The following SPECC1 variants were observed in gnomAD, a reference collection of about 807,000 sequenced individuals.
SPECC1 encodes cytospin-B.
Under a neutral mutation model 104.1 loss-of-function variants are expected in SPECC1, and 62 were observed. That is an observed-to-expected ratio of 0.60 (90% CI 0.49 to 0.74). SPECC1 has a LOEUF of 0.74. SPECC1 is among the 30% of genes least tolerant of loss of function. The pLI is 0.00. For missense variants in SPECC1, 1,306 were observed against 1,310.5 expected, an observed-to-expected ratio of 1.00 and a Z score of 0.05; for synonymous variants, 513 against 501.6, an observed-to-expected ratio of 1.02 and a Z score of -0.30.
chr17:20,244,215 C>G (rs1036062650), intron 7 of SPECC1, among the ~76,000 whole-genome samples: 1 of 151,954 alleles, frequency 6.6e-6, no homozygotes, highest in South Asian at 2.1e-4. Context: ...GGCGACAGAG[C>G]GAGACTCTGT....
At chr17:20,074,971 C>T (rs953512438) in intron 1 of SPECC1, among the ~76,000 whole-genome samples, 4 of 152,086 alleles carry the variant, frequency 2.6e-5, no homozygotes, top group Admixed American at 6.6e-5. Context: ...GTCTTGATCT[C>T]GGCTTACTGC....
chr17:20,298,948 A>AGAGAGAGTGTGT, intron 13 of SPECC1, among the ~76,000 whole-genome samples: 721 of 49,000 alleles, frequency 0.015, 20 homozygotes, highest in African/African-American at 0.063. Flanking sequence ...AGAGAGAGAG[A>AGAGAGAGTGTGT]GTGTGTGTGT....
At chr17:20,133,409 C>A (rs1008067946) in intron 3 of SPECC1, among the ~76,000 whole-genome samples, 2 of 151,922 alleles carry the variant, frequency 1.3e-5, no homozygotes, top group African/African-American at 4.8e-5. Flanking sequence ...TGAACTAGCT[C>A]CCTTAATAGA....
chr17:20,178,629 T>A (rs889354858), intron 3 of SPECC1, among the ~76,000 whole-genome samples: 1 of 152,206 alleles, frequency 6.6e-6, no homozygotes, highest in African/African-American at 2.4e-5. Context: ...GGTAACAGAC[T>A]GTGTTGAGAA....
At chr17:20,019,795 C>G (rs1031574923) in intron 1 of SPECC1, among the ~76,000 whole-genome samples, 1 of 152,190 alleles carries the variant, frequency 6.6e-6, no homozygotes, top group Non-Finnish European at 1.5e-5. Flanking sequence ...CTGATCACCC[C>G]CATCCATGTT....
intron 3 of SPECC1, among the ~76,000 whole-genome samples, chr17:20,184,011 A>G (rs1018939318): frequency 3.4e-5 from 5 of 145,782 alleles, no homozygotes; most frequent in Non-Finnish European, 7.6e-5. Flanking sequence ...TCTCTACTTA[A>G]AAAAAAAAAA....
intron 12 of SPECC1, among the ~76,000 whole-genome samples, chr17:20,262,244 A>G (rs2040052973): frequency 6.6e-6 from 1 of 152,208 alleles, no homozygotes; most frequent in Non-Finnish European, 1.5e-5. Flanking sequence ...GTTTGGAGCT[A>G]TTATGAATAA....
intron 1 of SPECC1, among the ~76,000 whole-genome samples, chr17:20,016,980 C>T (rs1283223335): frequency 2.0e-5 from 3 of 152,176 alleles, no homozygotes; most frequent in Non-Finnish European, 2.9e-5. Flanking sequence ...GGATTGTAAA[C>T]GCACCAATCA....
chr17:20,152,914 C>T lies in SPECC1; in HGVS notation c.283+42352C>T, dbSNP rs184434243. On this transcript the variant is annotated intron_variant, in intron 3 of 14. Coordinates refer to ENST00000395527, the MANE Select transcript of SPECC1 (RefSeq NM_001243439.2). ...TCTCTTGACCTCGTGATCTGCCTGC[C>T]TCAGCCTCCCAAAGTGCTGGGATTA... 3.2e-3 allele frequency among the ~76,000 whole-genome samples: 488 copies of T among 152,342 alleles called. 1 individual carries two copies. Among genetic ancestry groups the T allele is most frequent in the Non-Finnish European group, 4.5e-3 (303 of 68,042 alleles).
chr17:20,195,836 A>G (rs2035996953), intron 3 of SPECC1, among the ~76,000 whole-genome samples: 1 of 152,170 alleles, frequency 6.6e-6, no homozygotes, highest in African/African-American at 2.4e-5. Flanking sequence ...ATTCTCATAA[A>G]CTTTTTATAA....
At chr17:20,228,176 T>C (rs1413103724) in intron 5 of SPECC1, among the ~76,000 whole-genome samples, 2 of 152,064 alleles carry the variant, frequency 1.3e-5, no homozygotes, top group African/African-American at 4.8e-5. Flanking sequence ...GTGTAGGTGA[T>C]TGCGAAAAAT....
chr17:20,289,285 G>T (rs2041074853), intron 12 of SPECC1, among the ~76,000 whole-genome samples: 1 of 152,154 alleles, frequency 6.6e-6, no homozygotes, highest in Non-Finnish European at 1.5e-5. Context: ...TACAATTCAA[G>T]TTGAGATTTG....
chr17:20,044,362 A>T (rs192624262), intron 1 of SPECC1, among the ~76,000 whole-genome samples: 1 of 152,160 alleles, frequency 6.6e-6, no homozygotes, highest in Non-Finnish European at 1.5e-5. Flanking sequence ...TGTAATCTGT[A>T]TATAGCTCAC....
At chr17:20,154,013 C>G (rs1030452223) in intron 3 of SPECC1, among the ~76,000 whole-genome samples, 4 of 152,212 alleles carry the variant, frequency 2.6e-5, no homozygotes, top group African/African-American at 9.6e-5. Flanking sequence ...AGAAATAAAA[C>G]TGTGACTCTT....
chr17:20,310,272 C>T (rs928153886), intron 14 of SPECC1, among the ~76,000 whole-genome samples: 2 of 152,152 alleles, frequency 1.3e-5, no homozygotes, highest in African/African-American at 4.8e-5. Flanking sequence ...ATTGCTGAGT[C>T]AAATGGTAGT....
At chr17:20,078,671 A>G (rs2046855143) in intron 1 of SPECC1, among the ~76,000 whole-genome samples, 1 of 152,236 alleles carries the variant, frequency 6.6e-6, no homozygotes, top group African/African-American at 2.4e-5. Context: ...TGTCTTAGAA[A>G]AACACTGTAC....
chr17:20,194,916 C>T (rs1446863851), intron 3 of SPECC1, among the ~76,000 whole-genome samples: 2 of 152,116 alleles, frequency 1.3e-5, no homozygotes, highest in Non-Finnish European at 2.9e-5. Context: ...AACAAATATG[C>T]TCAGAATTTT....
Position 20,050,107 on chromosome 17 carries a change from G to A in SPECC1, c.-22+40683G>A, listed in dbSNP as rs2045683823. On this transcript the variant is annotated intron_variant, in intron 1 of 14. Transcript: ENST00000395527. ...GCTGGGATTACAGGTGTGAGCCACC[G>A]CCCCTGGCCAATTTTTTTCTTTTAA... Among the ~76,000 whole-genome samples, 3 of 152,232 alleles carry A rather than the reference G, an allele frequency of 2.0e-5. No individual in the cohort carries two copies. In the South Asian group the frequency reaches 6.2e-4, roughly 32 times the overall value.
At chr17:20,023,653 T>C (rs2152435564) in intron 1 of SPECC1, among the ~76,000 whole-genome samples, 1 of 151,932 alleles carries the variant, frequency 6.6e-6, no homozygotes, top group South Asian at 2.1e-4. Context: ...TTCCATGGGG[T>C]GAGAGTATAG....
Sources: allele counts gnomAD v4.1 joint callset (sites outside exome capture counted in the v4.1 genomes callset), GRCh38; gene constraint gnomAD v4.1.1; transcripts MANE v1.5; gene names NCBI Gene and HGNC (gene_info 2026-07-23, HGNC 2026-07-21).